Variants in IGF2BP2 observed in about 807,000 individuals in gnomAD.
The protein encoded by IGF2BP2 is insulin like growth factor 2 mRNA binding protein 2, also known as insulin-like growth factor 2 mRNA-binding protein 2.
A neutral mutation model predicts 75.8 loss-of-function variants in IGF2BP2; 17 were observed. The observed-to-expected ratio is 0.22, with a 90% confidence interval of 0.15 to 0.34. IGF2BP2 has a LOEUF of 0.34. Among genes scored for constraint, IGF2BP2 ranks in the 10% least tolerant of loss-of-function variants. The probability of loss-of-function intolerance (pLI) is 1.00; values close to 1 mark genes in which losing one functional copy is unlikely to be tolerated. For synonymous variants in IGF2BP2, 288 were observed against 295.6 expected, an observed-to-expected ratio of 0.97 and a Z score of 0.26; for missense variants, 516 against 772.4, an observed-to-expected ratio of 0.67 and a Z score of 3.93.
At chr3:185,789,790 G>A (rs1197233970) in intron 2 of IGF2BP2, among the ~76,000 whole-genome samples, 1 of 143,450 alleles carries the variant, frequency 7.0e-6, no homozygotes, top group African/African-American at 2.6e-5. Context: ...CTGTAATGCA[G>A]TGGCACAATC....
intron 6 of IGF2BP2, among the ~76,000 whole-genome samples, chr3:185,687,595 T>A (rs910075617): frequency 6.6e-6 from 1 of 152,250 alleles, no homozygotes; most frequent in African/African-American, 2.4e-5. Context: ...TTAAAAGCCA[T>A]ATGTTAATCC....
intron 2 of IGF2BP2, among the ~76,000 whole-genome samples, chr3:185,788,573 TTCAG>T: frequency 6.6e-6 from 1 of 152,310 alleles, no homozygotes; most frequent in East Asian, 1.9e-4. Context: ...ATTTCACTAG[TTCAG>T]TCAGTCAACC....
chr3:185,663,104 G>A (rs1360007740), intron 10 of IGF2BP2, among the ~76,000 whole-genome samples: 1 of 152,208 alleles, frequency 6.6e-6, no homozygotes, highest in Non-Finnish European at 1.5e-5. Flanking sequence ...ATTTTAATGG[G>A]AAAGCAGGTT....
intron 2 of IGF2BP2, among the ~76,000 whole-genome samples, chr3:185,727,560 T>G (rs1421503113): frequency 6.6e-6 from 1 of 152,192 alleles, no homozygotes; most frequent in African/African-American, 2.4e-5. Flanking sequence ...AGTAATGGTT[T>G]TGTGAAAAAG....
chr3:185,677,727 T>G (rs1040945317), intron 7 of IGF2BP2, among the ~76,000 whole-genome samples: 1 of 151,662 alleles, frequency 6.6e-6, no homozygotes, highest in African/African-American at 2.4e-5. Flanking sequence ...GTCAGAAAAA[T>G]TATGCATGAA....
In IGF2BP2 at chr3:185,786,206, C is replaced by T. The variant is rs185317031; in HGVS notation, c.239+36947G>A. ...TTTGAAAGGCTGCAAGTCATTACAA[C>T]AGCTAAGATTTCACTCCCCCCAAGA... On this transcript the variant is annotated intron_variant, in intron 2 of 15. Transcript: ENST00000382199. 2.6e-4 allele frequency among the ~76,000 whole-genome samples: 40 copies of T among 152,070 alleles called. 1 individual carries two copies. The highest frequency in any genetic ancestry group is 8.4e-4 in the African/African-American group (35 of 41,474).
At chr3:185,798,880 A>C (rs1328076609) in intron 2 of IGF2BP2, among the ~76,000 whole-genome samples, 1 of 151,098 alleles carries the variant, frequency 6.6e-6, no homozygotes, top group Non-Finnish European at 1.5e-5. Flanking sequence ...AGGCTCAAGC[A>C]ACCCTCCCAC....
intron 2 of IGF2BP2, among the ~76,000 whole-genome samples, chr3:185,727,821 TAC>T (rs1467538947): frequency 6.6e-6 from 1 of 152,282 alleles, no homozygotes; most frequent in East Asian, 1.9e-4. Context: ...CAGCCCATTT[TAC>T]ACAGACTAAA....
At chr3:185,762,352 A>G (rs952165120) in intron 2 of IGF2BP2, among the ~76,000 whole-genome samples, 11 of 146,002 alleles carry the variant, frequency 7.5e-5, no homozygotes, top group Non-Finnish European at 1.2e-4. Context: ...ACATGGTGAA[A>G]CCCAGGCTTT....
chr3:185,815,096 C>T (rs1405230545), intron 2 of IGF2BP2, among the ~76,000 whole-genome samples: 1 of 152,018 alleles, frequency 6.6e-6, no homozygotes, highest in Non-Finnish European at 1.5e-5. Flanking sequence ...GCCCTCCTCC[C>T]ACACTGCATA....
At chr3:185,665,536 G>GAGGAGGAGGAGA (rs1560252265) in intron 10 of IGF2BP2, among the ~76,000 whole-genome samples, 1 of 135,856 alleles carries the variant, frequency 7.4e-6, no homozygotes, top group African/African-American at 2.7e-5. Flanking sequence ...GGAGGAGAAG[G>GAGGAGGAGGAGA]AGGAGGAGGA....
chr3:185,649,442 A>G lies in IGF2BP2; in HGVS notation c.1554T>C (p.Ser518=), dbSNP rs1364414583. The G allele has an allele frequency of 6.2e-7, 1 of 1,614,034 alleles. No individual in the cohort carries two copies. The highest frequency in any genetic ancestry group is 1.1e-5 in the South Asian group (1 of 91,068). ...VKLEAHIRVP[S]STAGRVIGKG... is the part of the protein sequence containing the mutation. ...TGCCAATCACCCGGCCAGCTGTGGA[A>G]GAGGGCACTCTGATATGCGCTTCCA... is the stretch of plus-strand genomic sequence containing the variant. The change falls in exon 14 of 16, where the codon TCT becomes TCC. Residue 518 remains serine, a synonymous_variant. Coordinates refer to ENST00000382199, the MANE Select transcript of IGF2BP2 (RefSeq NM_006548.6).
At chr3:185,653,271 AT>A (rs1714900951) in intron 12 of IGF2BP2, among the ~76,000 whole-genome samples, 1 of 152,216 alleles carries the variant, frequency 6.6e-6, no homozygotes, top group African/African-American at 2.4e-5. Context: ...TCAGCTAAAA[AT>A]AAATACAAAA....
intron 2 of IGF2BP2, among the ~76,000 whole-genome samples, chr3:185,738,539 AG>A (rs1249825178): frequency 1.3e-5 from 2 of 152,242 alleles, no homozygotes; most frequent in Non-Finnish European, 2.9e-5. Context: ...GGAGAACGAA[AG>A]AGATGAATCC....
At chr3:185,797,766 G>C (rs533642621) in intron 2 of IGF2BP2, among the ~76,000 whole-genome samples, 1 of 151,746 alleles carries the variant, frequency 6.6e-6, no homozygotes, top group African/African-American at 2.4e-5. Context: ...TTAGCCAAGC[G>C]TGGAGGTGCA....
intron 2 of IGF2BP2, among the ~76,000 whole-genome samples, chr3:185,731,246 C>CTTTTTTTT (rs760172663): frequency 2.2e-4 from 28 of 129,238 alleles, no homozygotes; most frequent in South Asian, 7.5e-4. Context: ...GCATCACTTT[C>CTTTTTTTT]TTTTTTTTTT....
At chr3:185,665,983 T>C (rs1288592971) in intron 10 of IGF2BP2, among the ~76,000 whole-genome samples, 3 of 145,018 alleles carry the variant, frequency 2.1e-5, no homozygotes, top group African/African-American at 5.1e-5. Flanking sequence ...GACAGATAGA[T>C]AGATAGGTAG....
chr3:185,662,603 G>A (rs1716650963), intron 10 of IGF2BP2, among the ~76,000 whole-genome samples: 2 of 147,608 alleles, frequency 1.4e-5, no homozygotes, highest in African/African-American at 5.0e-5. Flanking sequence ...GAGTGCAGTG[G>A]CATGATCTTG....
At chr3:185,666,785 T>C (rs547914698) in intron 10 of IGF2BP2, among the ~76,000 whole-genome samples, 29 of 152,178 alleles carry the variant, frequency 1.9e-4, no homozygotes, top group Non-Finnish European at 3.7e-4. Flanking sequence ...TGTATTTTCA[T>C]AGGAAAATAT....
Sources: allele counts gnomAD v4.1 joint callset (sites outside exome capture counted in the v4.1 genomes callset), GRCh38; gene constraint gnomAD v4.1.1; transcripts MANE v1.5; gene names NCBI Gene and HGNC (gene_info 2026-07-23, HGNC 2026-07-21).